Variants in METTL6 observed in about 807,000 individuals in gnomAD.
METTL6 encodes tRNA N(3)-cytidine methyltransferase METTL6.
In METTL6, 22 loss-of-function variants were observed where a neutral mutation model predicts 26.4. That is an observed-to-expected ratio of 0.83 (90% CI 0.59 to 1.19). The LOEUF is 1.19. Among genes scored for constraint, METTL6 ranks in the 50% most tolerant of loss-of-function variants. METTL6 has a pLI of 0.00. For missense variants in METTL6, 304 were observed against 324.8 expected, an observed-to-expected ratio of 0.94 and a Z score of 0.49; for synonymous variants, 109 against 116.2, an observed-to-expected ratio of 0.94 and a Z score of 0.40.
downstream of METTL6, among the ~76,000 whole-genome samples, chr3:15,405,675 C>A (rs1385319996): frequency 6.6e-6 from 1 of 152,186 alleles, no homozygotes; most frequent in Non-Finnish European, 1.5e-5. Flanking sequence ...CAAGATTAAA[C>A]CTTCTTGAAA....
At chr3:15,384,113 C>A in exon 7 of METTL6, 1 of 406,860 alleles carries the variant, frequency 2.5e-6, no homozygotes. Context: ...AGATTATTTT[C>A]TGTGGTTCAT....
chr3:15,398,285 C>T (rs1309390832), intron 6 of METTL6, among the ~76,000 whole-genome samples: 2 of 152,060 alleles, frequency 1.3e-5, no homozygotes, highest in African/African-American at 4.8e-5. Flanking sequence ...TCTTTGCCTC[C>T]TGGGTTCAAG....
At chr3:15,397,333 A>T (rs1296181060) in intron 6 of METTL6, among the ~76,000 whole-genome samples, 1 of 152,138 alleles carries the variant, frequency 6.6e-6, no homozygotes, top group Non-Finnish European at 1.5e-5. Flanking sequence ...ACTGTCGGAA[A>T]AGCGCAGTAG....
At chr3:15,408,734 C>T (rs1699869211), downstream of METTL6, among the ~76,000 whole-genome samples, 1 of 152,010 alleles carries the variant, frequency 6.6e-6, no homozygotes, top group Non-Finnish European at 1.5e-5. Context: ...ACCACCATAC[C>T]TGGCTAATTT....
chr3:15,427,581 C>A, upstream of METTL6: 1 of 580,712 alleles, frequency 1.7e-6, no homozygotes, highest in Non-Finnish European at 3.1e-6. Context: ...GTCCCACGGC[C>A]TTGCCTCCTC....
At chr3:15,406,621 TATATATATAGAGAGAG>T (rs1190121868), downstream of METTL6, among the ~76,000 whole-genome samples, 20 of 41,216 alleles carry the variant, frequency 4.9e-4, no homozygotes, top group African/African-American at 1.6e-3. Context: ...TATATATATA[TATATATATAGAGAGAG>T]AGAGAGAGAG....
chr3:15,400,113 G>A (rs530359588), intron 6 of METTL6, among the ~76,000 whole-genome samples: 2 of 152,146 alleles, frequency 1.3e-5, no homozygotes, highest in South Asian at 4.2e-4. Context: ...TACCACAGGC[G>A]GCCACCCTTC....
chr3:15,399,723 G>A (rs1699590351), intron 6 of METTL6, among the ~76,000 whole-genome samples: 1 of 152,108 alleles, frequency 6.6e-6, no homozygotes, highest in East Asian at 1.9e-4. Flanking sequence ...CATGGAGAGT[G>A]CAGCCCAAAA....
At chr3:15,388,155 G>C (rs1699248144) in intron 6 of METTL6, among the ~76,000 whole-genome samples, 1 of 152,052 alleles carries the variant, frequency 6.6e-6, no homozygotes, top group South Asian at 2.1e-4. Flanking sequence ...TTGTCGCCCA[G>C]GCTGGAGTGC....
intron 6 of METTL6, among the ~76,000 whole-genome samples, chr3:15,397,082 G>A (rs1699508551): frequency 6.6e-6 from 1 of 152,236 alleles, no homozygotes; most frequent in African/African-American, 2.4e-5. Context: ...GCCCCCAGAA[G>A]TGGAGTCTAC....
Position 15,426,583 on chromosome 3 carries a change from T to C in METTL6, c.-72A>G, listed in dbSNP as rs2061730179. ...ACCAAATAATATGAATCCACGCTAATGGATCAGATACATTTCCTGAGGTGA... is the reference window on the plus strand; with the variant it reads ...ACCAAATAATATGAATCCACGCTAACGGATCAGATACATTTCCTGAGGTGA... On this transcript the variant is annotated 5_prime_UTR_variant, in exon 2 of 6. Coordinates refer to ENST00000383790, the MANE Select transcript of METTL6 (RefSeq NM_152396.4). 1 of 1,370,530 alleles carries C rather than the reference T, an allele frequency of 7.3e-7. No homozygotes were observed. The highest frequency in any genetic ancestry group is 1.0e-6 in the Non-Finnish European group (1 of 980,074). The allele number at this position is 1,370,530 out of a possible 1,614,324, so 84.9% of individuals were successfully genotyped here.
chr3:15,427,641 G>A (rs2061759719), upstream of METTL6: 9 of 836,892 alleles, frequency 1.1e-5, no homozygotes, highest in Non-Finnish European at 1.1e-5. Flanking sequence ...TTCTGGACCC[G>A]GGTGGGTGCC....
At position 15,410,460 on chromosome 3, in the gene METTL6, GCCA is replaced by G. The variant is rs980827587; in HGVS notation, c.*793_*795del. On this transcript the variant is annotated 3_prime_UTR_variant, in exon 6 of 6. Coordinates refer to ENST00000383790, the MANE Select transcript of METTL6 (RefSeq NM_152396.4). Reference sequence around the variant, plus strand: ...ACCCCAGCTGGGACTACAGGCACATGCCACCACATTTGGCTAATTTTTGTATTT... The same window carrying G: ...ACCCCAGCTGGGACTACAGGCACATGCCACATTTGGCTAATTTTTGTATTT... Among the ~76,000 whole-genome samples the G allele has an allele frequency of 2.0e-5, 3 of 152,022 alleles. No homozygotes were observed. The highest frequency in any genetic ancestry group is 7.2e-5 in the African/African-American group (3 of 41,400).
chr3:15,390,272 A>G (rs1699308810), intron 6 of METTL6, among the ~76,000 whole-genome samples: 1 of 152,006 alleles, frequency 6.6e-6, no homozygotes, highest in East Asian at 1.9e-4. Context: ...TACTAAAAAT[A>G]CAAAAGTTAG....
chr3:15,416,290 T>C (rs1700202669), intron 3 of METTL6, among the ~76,000 whole-genome samples: 1 of 152,212 alleles, frequency 6.6e-6, no homozygotes, highest in South Asian at 2.1e-4. Flanking sequence ...TCACTCTGTC[T>C]GCTGGGCTAG....
intron 6 of METTL6, among the ~76,000 whole-genome samples, chr3:15,404,664 T>TTTTA (rs111517855): frequency 4.9e-4 from 74 of 152,034 alleles, no homozygotes; most frequent in African/African-American, 1.4e-3. Context: ...ATTTTTAAAT[T>TTTTA]TTTATTTATT....
At chr3:15,417,452 A>AAAATAAAT (rs35596746) in intron 3 of METTL6, among the ~76,000 whole-genome samples, 18,927 of 142,548 alleles carry the variant, frequency 0.13, 1,359 homozygotes, top group Middle Eastern at 0.16. Flanking sequence ...CTCTGTCTCA[A>AAAATAAAT]AAATAAATAA....
chr3:15,411,746 T>C (rs894067071), intron 5 of METTL6, among the ~76,000 whole-genome samples: 3 of 151,868 alleles, frequency 2.0e-5, no homozygotes, highest in African/African-American at 4.8e-5. Flanking sequence ...ATTGGTTATA[T>C]TCCTTTTTTT....
chr3:15,383,083 A>G (rs1287590933), exon 7 of METTL6: 1 of 152,204 alleles, frequency 6.6e-6, no homozygotes, highest in Non-Finnish European at 1.5e-5. Flanking sequence ...GTCAATAATA[A>G]TGTATACTTT....
Sources: gnomAD v4.1 joint callset for allele counts (sites outside exome capture counted in the v4.1 genomes callset) on GRCh38, gnomAD v4.1.1 for gene constraint, MANE v1.5 for transcripts, NCBI Gene and HGNC (gene_info 2026-07-23, HGNC 2026-07-21) for gene names.